The following SLC25A29 variants were observed in gnomAD, a reference collection of about 807,000 sequenced individuals.
SLC25A29 encodes the protein solute carrier family 25 member 29.
Under a neutral mutation model 10.0 loss-of-function variants are expected in SLC25A29, and 13 were observed. The observed-to-expected ratio is 1.30, with a 90% CI of 0.85 to 2.07. SLC25A29 has a LOEUF of 2.07. Among genes scored for constraint, SLC25A29 ranks in the 30% most tolerant of loss-of-function variants. The pLI, the probability that SLC25A29 is intolerant of heterozygous loss-of-function variation, is 0.00. For missense variants in SLC25A29, 475 were observed against 447.6 expected, an observed-to-expected ratio of 1.06 and a Z score of -0.55; for synonymous variants, 244 against 221.1, an observed-to-expected ratio of 1.10 and a Z score of -0.92.
At chr14:100,294,949 G>A (rs577475090) in intron 2 of SLC25A29, 25 of 152,408 alleles carry the variant, frequency 1.6e-4, no homozygotes, top group Non-Finnish European at 3.4e-4. Flanking sequence ...TCCCTTCAAT[G>A]TTCTGGGGCC....
At chr14:100,288,582 C>T (rs1566788600), downstream of SLC25A29, among the ~76,000 whole-genome samples, 1 of 148,692 alleles carries the variant, frequency 6.7e-6, no homozygotes, top group African/African-American at 2.5e-5. Flanking sequence ...TGCCTCACCC[C>T]CCTCCCCAGC....
the SLC25A29 span, chr14:100,281,215 CTTTAATTA>C: frequency 4.0e-5 from 6 of 151,130 alleles, no homozygotes; most frequent in Middle Eastern, 3.2e-3. Context: ...TGTTGTTGAT[CTTTAATTA>C]TTTAATTATT....
the SLC25A29 span, among the ~76,000 whole-genome samples, chr14:100,286,091 C>T: frequency 6.6e-6 from 1 of 152,198 alleles, no homozygotes; most frequent in Admixed American, 6.5e-5. Context: ...TCACCCTCTG[C>T]CCCCAAGCGT....
intron 2 of SLC25A29, 79 bp from the exon 3 acceptor site, chr14:100,293,456 T>C (rs750903341): frequency 8.1e-6 from 11 of 1,365,422 alleles, no homozygotes; most frequent in Middle Eastern, 1.9e-4. Flanking sequence ...TTAGGCTGCC[T>C]AGGAGGGTCT....
chr14:100,284,007 G>A, the SLC25A29 span, among the ~76,000 whole-genome samples: 2 of 151,982 alleles, frequency 1.3e-5, no homozygotes, highest in African/African-American at 2.4e-5. Context: ...TTGGCCTCCC[G>A]AGTAGCTACG....
chr14:100,290,373 A>G (rs1197612798), downstream of SLC25A29, among the ~76,000 whole-genome samples: 1 of 152,208 alleles, frequency 6.6e-6, no homozygotes, highest in African/African-American at 2.4e-5. Flanking sequence ...AAGAGAAGCG[A>G]GAGAGGCCAG....
At chr14:100,296,025 T>A in intron 2 of SLC25A29, 1 of 1,286,748 alleles carries the variant, frequency 7.8e-7, no homozygotes, top group Non-Finnish European at 1.0e-6. Context: ...GTCCCAGCCA[T>A]GAGATAGTCT....
At chr14:100,302,818 T>C (rs1892654541) in intron 1 of SLC25A29, among the ~76,000 whole-genome samples, 1 of 151,536 alleles carries the variant, frequency 6.6e-6, no homozygotes, top group Admixed American at 6.6e-5. Context: ...ATTTATTCTG[T>C]GGGAGGTCGC....
chr14:100,288,694 A>C (rs1471820401), downstream of SLC25A29, among the ~76,000 whole-genome samples: 1 of 150,566 alleles, frequency 6.6e-6, no homozygotes, highest in Non-Finnish European at 1.5e-5. Context: ...TTCCTCTAGG[A>C]CTCTGCTCAG....
At chr14:100,287,447 G>A (rs1303684447), downstream of SLC25A29, among the ~76,000 whole-genome samples, 1 of 151,892 alleles carries the variant, frequency 6.6e-6, no homozygotes, top group African/African-American at 2.4e-5. Flanking sequence ...TGGCAGTGCC[G>A]TTTCATAGCC....
chr14:100,292,676 G>T lies in SLC25A29; in HGVS notation c.519C>A (p.Asp173Glu). 6.2e-7 allele frequency: 1 copy of T among 1,602,022 alleles called. No individual in the cohort carries two copies. The highest frequency in any genetic ancestry group is 1.1e-5 in the South Asian group (1 of 89,418). Reference protein sequence around the residue: ...PSFGVYFLTYDALTRALGCEP... With the variant: ...PSFGVYFLTYEALTRALGCEP... ...CGCAGCCCAGCGCCCGCGTGAGAGCGTCATAGGTGAGGAAGTAGACGCCGA... is the reference window on the plus strand; with the variant it reads ...CGCAGCCCAGCGCCCGCGTGAGAGCTTCATAGGTGAGGAAGTAGACGCCGA... The change falls in exon 4 of 4, where the codon GAC (aspartate) becomes GAA (glutamate). Residue 173 changes from aspartate to glutamate, a missense_variant. By Grantham distance (45) the Asp-to-Glu change is conservative. Transcript: ENST00000359232.
downstream of SLC25A29, among the ~76,000 whole-genome samples, chr14:100,287,372 C>G (rs367797581): frequency 2.0e-5 from 3 of 152,262 alleles, no homozygotes; most frequent in Non-Finnish European, 2.9e-5. Flanking sequence ...GGGCCTGCCC[C>G]CTTCTCTCTG....
At chr14:100,290,569 G>A (rs1356383689), downstream of SLC25A29, among the ~76,000 whole-genome samples, 4 of 152,208 alleles carry the variant, frequency 2.6e-5, no homozygotes, top group Non-Finnish European at 5.9e-5. Context: ...GCTGGTGGCT[G>A]CAGAGGCTCA....
chr14:100,285,988 A>G, the SLC25A29 span, among the ~76,000 whole-genome samples: 1 of 152,028 alleles, frequency 6.6e-6, no homozygotes, highest in East Asian at 1.9e-4. Flanking sequence ...GGAGAGCTCC[A>G]CCACGGGCGT....
intron 1 of SLC25A29, among the ~76,000 whole-genome samples, chr14:100,302,050 CTTTT>C (rs34185759): frequency 6.8e-6 from 1 of 146,034 alleles, no homozygotes; most frequent in Non-Finnish European, 1.5e-5. Context: ...TAGAGCCTTT[CTTTT>C]TTTTTTTTTG....
intron 2 of SLC25A29, 116 bp from the exon 3 acceptor site, chr14:100,293,493 A>G: frequency 1.3e-6 from 1 of 792,144 alleles, no homozygotes; most frequent in Non-Finnish European, 2.0e-6. Context: ...ACTCAGGCAC[A>G]GTCTAAGACT....
chr14:100,283,086 C>T, the SLC25A29 span, among the ~76,000 whole-genome samples: 1 of 152,220 alleles, frequency 6.6e-6, no homozygotes, highest in Non-Finnish European at 1.5e-5. Flanking sequence ...AATGCCCACG[C>T]AGCCGGACCT....
At chr14:100,306,126 A>C (rs1462529840) in intron 1 of SLC25A29, 73 bp downstream of exon 1, 1 of 1,149,100 alleles carries the variant, frequency 8.7e-7, no homozygotes, top group East Asian at 3.2e-5. Flanking sequence ...CCGCGAGGCC[A>C]GGGCGTGCTG....
the SLC25A29 span, among the ~76,000 whole-genome samples, chr14:100,285,472 G>C: frequency 2.0e-5 from 3 of 151,704 alleles, no homozygotes; most frequent in African/African-American, 4.8e-5. Context: ...GCTGTGGGGA[G>C]GGGCTGCGCG....
Sources: gnomAD v4.1 joint callset for allele counts (sites outside exome capture counted in the v4.1 genomes callset) on GRCh38, gnomAD v4.1.1 for gene constraint, MANE v1.5 for transcripts, NCBI Gene and HGNC (gene_info 2026-07-23, HGNC 2026-07-21) for gene names.